The following RBMS3 variants were observed in gnomAD, a reference collection of about 807,000 sequenced individuals.
The protein encoded by RBMS3 is RNA-binding motif, single-stranded-interacting protein 3.
Under a neutral mutation model 66.8 loss-of-function variants are expected in RBMS3, and 27 were observed. The observed-to-expected ratio is 0.40, with a 90% CI of 0.30 to 0.56. The LOEUF (loss-of-function observed/expected upper bound fraction) is 0.56. Ranked by LOEUF, RBMS3 falls within the 20% of genes least tolerant of loss-of-function variation. The pLI is 0.40. For synonymous variants in RBMS3, 188 were observed against 183.0 expected (o/e 1.03, Z -0.22); for missense variants, 513 against 549.5 (o/e 0.93, Z 0.66).
At chr3:29,338,016 G>T (rs2036054458) in intron 1 of RBMS3, among the ~76,000 whole-genome samples, 2 of 152,118 alleles carry the variant, frequency 1.3e-5, no homozygotes, top group South Asian at 4.1e-4. Context: ...CTCCATTTTT[G>T]AGATGGGAAA....
At chr3:29,526,521 A>G (rs1451432459) in intron 3 of RBMS3, among the ~76,000 whole-genome samples, 5 of 5,956 alleles carry the variant, frequency 8.4e-4, no homozygotes, top group Admixed American at 7.5e-3. Context: ...ACTCCATCTC[A>G]AAAAAAAAAA....
chr3:29,466,076 A>G (rs1323590163), intron 2 of RBMS3, among the ~76,000 whole-genome samples: 1 of 152,000 alleles, frequency 6.6e-6, no homozygotes, highest in Non-Finnish European at 1.5e-5. Flanking sequence ...GTCATTCTGG[A>G]AGTCAAAATT....
chr3:29,991,343 G>T, intron 14 of RBMS3, 134 bp downstream of exon 14: 1 of 1,443,416 alleles, frequency 6.9e-7, no homozygotes, highest in Non-Finnish European at 9.2e-7. Flanking sequence ...TTTAGCTCAT[G>T]ATTATGTGGG....
intron 1 of RBMS3, among the ~76,000 whole-genome samples, chr3:29,338,931 G>A (rs1192910932): frequency 6.6e-6 from 1 of 152,206 alleles, no homozygotes; most frequent in East Asian, 1.9e-4. Flanking sequence ...TTCTTGGCAG[G>A]TGTTTTCCTT....
chr3:29,421,131 A>AAAAAG (rs2040715161), intron 1 of RBMS3, among the ~76,000 whole-genome samples: 1 of 141,940 alleles, frequency 7.0e-6, no homozygotes. Context: ...AAAAAAAAGA[A>AAAAAG]AACAGAAAAG....
intron 10 of RBMS3, among the ~76,000 whole-genome samples, chr3:29,906,224 A>G (rs2060375580): frequency 6.6e-6 from 1 of 152,078 alleles, no homozygotes; most frequent in Non-Finnish European, 1.5e-5. Context: ...TGCTGTGGCT[A>G]TAACAAAGTA....
chr3:29,685,157 C>T (rs1008405344), intron 4 of RBMS3, among the ~76,000 whole-genome samples: 29 of 152,120 alleles, frequency 1.9e-4, no homozygotes, highest in African/African-American at 6.8e-4. Flanking sequence ...CTCCCGGGTT[C>T]ACACCATTCT....
At chr3:29,656,997 C>T (rs529131107) in intron 4 of RBMS3, among the ~76,000 whole-genome samples, 24 of 152,128 alleles carry the variant, frequency 1.6e-4, no homozygotes, top group South Asian at 2.1e-4. Context: ...CTAGCAAACG[C>T]GATAAGAATG....
At chr3:29,565,174 G>A (rs1299430885) in intron 3 of RBMS3, among the ~76,000 whole-genome samples, 1 of 152,188 alleles carries the variant, frequency 6.6e-6, no homozygotes, top group Non-Finnish European at 1.5e-5. Context: ...GGAAAGGAAA[G>A]TTAAATTATG....
chr3:29,604,527 T>G (rs145173522), intron 4 of RBMS3, among the ~76,000 whole-genome samples: 33 of 152,102 alleles, frequency 2.2e-4, no homozygotes, highest in African/African-American at 7.5e-4. Flanking sequence ...GGATTTTTAT[T>G]GAATGTCTCA....
At chr3:29,454,373 A>G (rs1285945307) in intron 2 of RBMS3, among the ~76,000 whole-genome samples, 1 of 152,174 alleles carries the variant, frequency 6.6e-6, no homozygotes, top group Non-Finnish European at 1.5e-5. Flanking sequence ...ACACCGTAAT[A>G]CTGTTTGCAG....
At chr3:29,604,147 A>G (rs899608901) in intron 4 of RBMS3, among the ~76,000 whole-genome samples, 6 of 151,976 alleles carry the variant, frequency 3.9e-5, no homozygotes, top group Admixed American at 2.0e-4. Context: ...TAATAAAACC[A>G]GATCATTGTG....
At chr3:29,510,642 C>G (rs1443527147) in intron 3 of RBMS3, among the ~76,000 whole-genome samples, 1 of 152,012 alleles carries the variant, frequency 6.6e-6, no homozygotes, top group Non-Finnish European at 1.5e-5. Context: ...ACCCAAAATG[C>G]TCCAATAAGC....
chr3:29,816,876 G>A (rs1025827218), intron 6 of RBMS3, among the ~76,000 whole-genome samples: 3 of 152,002 alleles, frequency 2.0e-5, no homozygotes, highest in Non-Finnish European at 4.4e-5. Context: ...TGGATCACGA[G>A]GTCAGGAGTT....
intron 1 of RBMS3, among the ~76,000 whole-genome samples, chr3:29,300,049 C>T (rs1049029494): frequency 4.6e-5 from 7 of 151,830 alleles, no homozygotes; most frequent in African/African-American, 1.7e-4. Context: ...ACAGAAATAG[C>T]TACCAAGCAC....
chr3:29,737,130 C>G (rs918320553), intron 4 of RBMS3, among the ~76,000 whole-genome samples: 2 of 152,068 alleles, frequency 1.3e-5, no homozygotes, highest in Non-Finnish European at 2.9e-5. Context: ...GCGCCCGCCA[C>G]CAGGCTGTCT....
In RBMS3 at chr3:29,356,050, A is replaced by G. The variant is rs527646644; in HGVS notation, c.75+74294A>G. 6.6e-5 allele frequency among the ~76,000 whole-genome samples: 10 copies of G among 152,178 alleles called. No individual in the cohort carries two copies. The South Asian group carries it at 2.1e-3, about 31-fold the overall frequency. On this transcript the variant is annotated intron_variant, in intron 1 of 14. Coordinates refer to ENST00000383767, the MANE Select transcript of RBMS3 (RefSeq NM_001003793.3). ...CCTTACAAAACCAGAAGTTATTGAA[A>G]GAGATGTGATTGTAACCATCTTTGT...
intron 4 of RBMS3, among the ~76,000 whole-genome samples, chr3:29,609,277 C>T (rs1176641616): frequency 6.6e-6 from 1 of 151,874 alleles, no homozygotes; most frequent in Non-Finnish European, 1.5e-5. Context: ...ACTGTTGATC[C>T]ATATGTAGAG....
chr3:29,404,833 C>G (rs939384779), intron 1 of RBMS3, among the ~76,000 whole-genome samples: 1 of 152,096 alleles, frequency 6.6e-6, no homozygotes, highest in African/African-American at 2.4e-5. Flanking sequence ...CCCAATACCT[C>G]TGGTGAAAAA....
Sources: gnomAD v4.1 joint callset for allele counts (sites outside exome capture counted in the v4.1 genomes callset) on GRCh38, gnomAD v4.1.1 for gene constraint, MANE v1.5 for transcripts, NCBI Gene and HGNC (gene_info 2026-07-23, HGNC 2026-07-21) for gene names.